PLSCR4: variants seen among roughly 807,000 people sequenced by gnomAD.
The protein encoded by PLSCR4 is Ca(2+)-dependent phospholipid scramblase 4.
Under a neutral mutation model 36.3 loss-of-function variants are expected in PLSCR4, and 25 were observed. That is an observed-to-expected ratio of 0.69 (90% CI 0.50 to 0.96). PLSCR4 has a LOEUF of 0.96. Among genes scored for constraint, PLSCR4 ranks in the 40% least tolerant of loss-of-function variants. The pLI is 0.00. For missense variants in PLSCR4, 408 were observed against 414.7 expected, an observed-to-expected ratio of 0.98 and a Z score of 0.14; for synonymous variants, 122 against 132.9, an observed-to-expected ratio of 0.92 and a Z score of 0.56.
At chr3:146,211,344 A>G (rs933375845) in intron 3 of PLSCR4, among the ~76,000 whole-genome samples, 2 of 152,076 alleles carry the variant, frequency 1.3e-5, no homozygotes, top group African/African-American at 4.8e-5. Context: ...GGCCATTTGT[A>G]TATCTCCTTT....
intron 3 of PLSCR4, among the ~76,000 whole-genome samples, chr3:146,207,962 T>C (rs1403059013): frequency 6.6e-6 from 1 of 152,066 alleles, no homozygotes; most frequent in African/African-American, 2.4e-5. Flanking sequence ...AAAAAGAGCC[T>C]GCATAGCCAA....
rs1028620193 is a variant in PLSCR4 at position 146,203,197 on chromosome 3, C to G, written c.355-2120G>C. On this transcript the variant is annotated intron_variant, in intron 4 of 8. Coordinates refer to ENST00000354952, the MANE Select transcript of PLSCR4 (RefSeq NM_020353.3). ...ACCATCTATGGCAACTATAGCCTAACGAAATTCATTTTTTTAACAATAAGA... is the reference window on the plus strand; with the variant it reads ...ACCATCTATGGCAACTATAGCCTAAGGAAATTCATTTTTTTAACAATAAGA... Among the ~76,000 whole-genome samples the G allele has an allele frequency of 3.9e-5, 6 of 152,074 alleles. No individual in the cohort carries two copies. In the East Asian group the frequency reaches 1.2e-3, roughly 29 times the overall value.
intron 5 of PLSCR4, 149 bp from the exon 6 acceptor site, chr3:146,200,188 A>C: frequency 3.4e-6 from 2 of 583,550 alleles, no homozygotes; most frequent in Admixed American, 3.0e-5. Context: ...TACCCCAAAA[A>C]TCATATTATC....
chr3:146,200,164 AGAATT>A, intron 5 of PLSCR4, 125 bp from the exon 6 acceptor site: 2 of 620,450 alleles, frequency 3.2e-6, no homozygotes, highest in Non-Finnish European at 2.8e-6. Flanking sequence ...TGAAATATGT[AGAATT>A]GATTAGAGTA....
At chr3:146,205,976 T>A (rs78583760) in intron 4 of PLSCR4, among the ~76,000 whole-genome samples, 9,993 of 152,084 alleles carry the variant, frequency 0.066, 610 homozygotes, top group African/African-American at 0.15. Context: ...TAGATGTTAA[T>A]TAGGGAGTTA....
rs2036477977 is a variant in PLSCR4 at position 146,249,773 on chromosome 3, GT to G, written c.-22+1186del. On this transcript the variant is annotated intron_variant, in intron 1 of 8. Coordinates refer to ENST00000354952, the MANE Select transcript of PLSCR4 (RefSeq NM_020353.3). The stretch of plus-strand genomic sequence containing the variant: ...TCAGTTAGGATTCTACTTATACGTT[GT>G]TTTAGAGAAATGATATCTTTACCTA... Among the ~76,000 whole-genome samples, 4 of 152,090 alleles carry G rather than the reference GT, an allele frequency of 2.6e-5. No individual in the cohort carries two copies. In the South Asian group the frequency reaches 8.3e-4, roughly 32 times the overall value.
At position 146,195,214 on chromosome 3, in the gene PLSCR4, T is replaced by C; in HGVS notation, c.855A>G (p.Ala285=). Reference sequence around the variant, plus strand: ...TGTCAAAATGGTCAGCATCTGCCATTGCTGATAACAAACCATTCCACTTCC... The same window carrying C: ...TGTCAAAATGGTCAGCATCTGCCATCGCTGATAACAAACCATTCCACTTCC... The part of the protein sequence containing the change: ...IIRKWNGLLS[A]MADADHFDIH... The change falls in exon 8 of 9, where the codon GCA becomes GCG. Residue 285 remains alanine, a synonymous_variant. Coordinates refer to ENST00000354952, the MANE Select transcript of PLSCR4 (RefSeq NM_020353.3). 6.2e-7 allele frequency: 1 copy of C among 1,613,704 alleles called. No homozygotes were observed. The highest frequency in any genetic ancestry group is 8.5e-7 in the Non-Finnish European group (1 of 1,179,640).
chr3:146,239,521 A>C (rs1576496254), intron 1 of PLSCR4, among the ~76,000 whole-genome samples: 1 of 7,026 alleles, frequency 1.4e-4, no homozygotes, highest in Admixed American at 1.5e-3. Flanking sequence ...TCCACATACA[A>C]AAAAAAAAAA....
intron 1 of PLSCR4, among the ~76,000 whole-genome samples, chr3:146,224,429 C>A (rs531232658): frequency 6.6e-6 from 1 of 152,262 alleles, no homozygotes; most frequent in Admixed American, 6.5e-5. Flanking sequence ...AAGAACGAAG[C>A]CGCGGACCCT....
In PLSCR4 at chr3:146,201,596, G is replaced by A. The variant is rs187119321; in HGVS notation, c.355-519C>T. Among the ~76,000 whole-genome samples, 13 of 152,172 alleles carry A rather than the reference G, an allele frequency of 8.5e-5. No homozygotes were observed. In the East Asian group the frequency reaches 2.5e-3, roughly 29 times the overall value. On this transcript the variant is annotated intron_variant, in intron 4 of 8. Coordinates refer to ENST00000354952, the MANE Select transcript of PLSCR4 (RefSeq NM_020353.3). The stretch of plus-strand genomic sequence containing the variant: ...TATTTTACAGGTACCTCCAGCAGAG[G>A]TTTATAAACTGACTTGCATTCACTT...
At chr3:146,215,345 GTTATA>G (rs2034841989) in intron 3 of PLSCR4, among the ~76,000 whole-genome samples, 1 of 151,708 alleles carries the variant, frequency 6.6e-6, no homozygotes, top group Admixed American at 6.6e-5. Flanking sequence ...TTCACTATGT[GTTATA>G]TTAGATTATC....
At chr3:146,202,735 C>G (rs2034114962) in intron 4 of PLSCR4, among the ~76,000 whole-genome samples, 1 of 152,020 alleles carries the variant, frequency 6.6e-6, no homozygotes, top group African/African-American at 2.4e-5. Flanking sequence ...GTCAATCCAC[C>G]TAAAAACTGC....
chr3:146,209,049 CAT>C (rs939386303), intron 3 of PLSCR4, among the ~76,000 whole-genome samples: 2 of 151,794 alleles, frequency 1.3e-5, no homozygotes, highest in African/African-American at 4.8e-5. Context: ...TGTGGGATTA[CAT>C]ATATATATGA....
chr3:146,235,963 T>A (rs889530737), intron 1 of PLSCR4, among the ~76,000 whole-genome samples: 2 of 152,156 alleles, frequency 1.3e-5, no homozygotes, highest in African/African-American at 4.8e-5. Context: ...AACATCAAGA[T>A]GTGGCCTGGC....
At chr3:146,211,854 G>C (rs2034639787) in intron 3 of PLSCR4, among the ~76,000 whole-genome samples, 1 of 152,078 alleles carries the variant, frequency 6.6e-6, no homozygotes, top group Non-Finnish European at 1.5e-5. Context: ...TAAAAAATCA[G>C]TTGGCTACAG....
chr3:146,225,798 G>T (rs35418885), intron 1 of PLSCR4, among the ~76,000 whole-genome samples: 1 of 151,964 alleles, frequency 6.6e-6, no homozygotes, highest in African/African-American at 2.4e-5. Flanking sequence ...GGTTGCCGCT[G>T]GCGCCTCTCC....
intron 3 of PLSCR4, among the ~76,000 whole-genome samples, chr3:146,214,347 T>A (rs1236478824): frequency 8.0e-5 from 1 of 12,560 alleles, no homozygotes; most frequent in Admixed American, 7.3e-4. Flanking sequence ...ATGGTCTCGA[T>A]CTCCTGACCT....
chr3:146,236,715 C>T (rs578138282), intron 1 of PLSCR4, among the ~76,000 whole-genome samples: 13 of 151,972 alleles, frequency 8.6e-5, no homozygotes, highest in South Asian at 2.1e-4. Context: ...ACCGTTAAAC[C>T]GCTTTCTTTT....
chr3:146,213,492 T>A (rs1576464833), intron 3 of PLSCR4, among the ~76,000 whole-genome samples: 1 of 151,922 alleles, frequency 6.6e-6, no homozygotes, highest in South Asian at 2.1e-4. Flanking sequence ...TCAGCTAATT[T>A]TTGTATTTTT....
Sources: gnomAD v4.1 joint callset for allele counts (sites outside exome capture counted in the v4.1 genomes callset) on GRCh38, gnomAD v4.1.1 for gene constraint, MANE v1.5 for transcripts, NCBI Gene and HGNC (gene_info 2026-07-23, HGNC 2026-07-21) for gene names.